Variants in POFUT3 observed in about 807,000 individuals in gnomAD.
POFUT3 encodes the protein GDP-fucose protein O-fucosyltransferase 3.
chr8:33,456,509 C>A, the POFUT3 span, among the ~76,000 whole-genome samples: 1 of 151,950 alleles, frequency 6.6e-6, no homozygotes, highest in Non-Finnish European at 1.5e-5. Context: ...AAACGCAGGC[C>A]ACCACGCCCT....
chr8:33,470,334 C>T, the POFUT3 span, among the ~76,000 whole-genome samples: 7,531 of 151,398 alleles, frequency 0.05, 314 homozygotes, highest in African/African-American at 0.11. Context: ...GCAGGAGGAT[C>T]CCTTGAGCCC....
the POFUT3 span, among the ~76,000 whole-genome samples, chr8:33,337,906 C>A: frequency 1.3e-5 from 2 of 152,198 alleles, no homozygotes; most frequent in African/African-American, 4.8e-5. Context: ...AGATCTATGG[C>A]CACATGCAGA....
the POFUT3 span, among the ~76,000 whole-genome samples, chr8:33,357,454 C>T: frequency 6.6e-6 from 1 of 151,548 alleles, no homozygotes; most frequent in Non-Finnish European, 1.5e-5. Context: ...TTAATTGGTA[C>T]ATTAGAAGAC....
At chr8:33,386,743 G>A in the POFUT3 span, among the ~76,000 whole-genome samples, 2 of 152,064 alleles carry the variant, frequency 1.3e-5, no homozygotes, top group Admixed American at 1.3e-4. Flanking sequence ...CCGGGAGGTG[G>A]AGCTTGCAGT....
At chr8:33,355,486 G>C in the POFUT3 span, among the ~76,000 whole-genome samples, 4 of 152,066 alleles carry the variant, frequency 2.6e-5, no homozygotes, top group Non-Finnish European at 5.9e-5. Flanking sequence ...TGTTTTACCA[G>C]CTACCTAGGC....
At chr8:33,421,404 T>C in the POFUT3 span, among the ~76,000 whole-genome samples, 1 of 152,142 alleles carries the variant, frequency 6.6e-6, no homozygotes, top group Non-Finnish European at 1.5e-5. Context: ...ATCTTCCATC[T>C]CCTCCATGTG....
the POFUT3 span, among the ~76,000 whole-genome samples, chr8:33,357,630 TTCC>T: frequency 2.2e-4 from 33 of 152,178 alleles, no homozygotes; most frequent in East Asian, 6.0e-3. Context: ...CCTATTCCTT[TTCC>T]TCCTATTTTT....
At chr8:33,355,964 T>C in the POFUT3 span, among the ~76,000 whole-genome samples, 3 of 152,166 alleles carry the variant, frequency 2.0e-5, no homozygotes, top group East Asian at 3.8e-4. Context: ...GAATGATGAT[T>C]TCCAATTTCA....
At chr8:33,395,186 C>T in the POFUT3 span, among the ~76,000 whole-genome samples, 1 of 152,152 alleles carries the variant, frequency 6.6e-6, no homozygotes, top group Non-Finnish European at 1.5e-5. Flanking sequence ...AGGGTTCTAC[C>T]CTCAAGCCTG....
At chr8:33,388,119 C>A in the POFUT3 span, among the ~76,000 whole-genome samples, 3 of 152,056 alleles carry the variant, frequency 2.0e-5, no homozygotes, top group Admixed American at 1.3e-4. Flanking sequence ...TTATCCCCAC[C>A]ATTATTTCAG....
the POFUT3 span, among the ~76,000 whole-genome samples, chr8:33,419,352 G>A: frequency 2.6e-5 from 4 of 152,176 alleles, no homozygotes; most frequent in Non-Finnish European, 1.5e-5. Flanking sequence ...GGTGGTGGGG[G>A]ATTGGTTTTA....
At chr8:33,339,020 A>C in the POFUT3 span, 1 of 152,198 alleles carries the variant, frequency 6.6e-6, no homozygotes, top group Admixed American at 6.5e-5. Context: ...AAAATTATTC[A>C]TCATACCAAG....
the POFUT3 span, among the ~76,000 whole-genome samples, chr8:33,319,989 A>G: frequency 6.6e-6 from 1 of 151,124 alleles, no homozygotes; most frequent in Admixed American, 6.7e-5. Flanking sequence ...ACTATGTGCC[A>G]GACACTGGAA....
chr8:33,372,784 C>G, the POFUT3 span: 2 of 1,613,836 alleles, frequency 1.2e-6, no homozygotes, highest in Non-Finnish European at 1.7e-6. Context: ...CTTCTGCCTC[C>G]CATCTTTTGG....
the POFUT3 span, among the ~76,000 whole-genome samples, chr8:33,323,752 A>G: frequency 6.6e-6 from 1 of 152,210 alleles, no homozygotes; most frequent in Admixed American, 6.5e-5. Context: ...CAGAAACCTT[A>G]TAATAAGTGA....
chr8:33,318,055 A>C, the POFUT3 span, among the ~76,000 whole-genome samples: 24 of 152,256 alleles, frequency 1.6e-4, no homozygotes, highest in African/African-American at 5.8e-4. Flanking sequence ...TTGCAGGCAA[A>C]GTGTCAGACA....
At chr8:33,389,657 A>G in the POFUT3 span, 4 of 1,614,226 alleles carry the variant, frequency 2.5e-6, 1 homozygote, top group Non-Finnish European at 3.4e-6. Context: ...ATGCCTGCTG[A>G]ACGTGGCAGT....
At chr8:33,357,587 T>C in the POFUT3 span, among the ~76,000 whole-genome samples, 1 of 151,988 alleles carries the variant, frequency 6.6e-6, no homozygotes, top group African/African-American at 2.4e-5. Context: ...TATTTCTCTC[T>C]GTATATACCT....
chr8:33,343,900 T>C, the POFUT3 span, among the ~76,000 whole-genome samples: 1 of 152,184 alleles, frequency 6.6e-6, no homozygotes, highest in Non-Finnish European at 1.5e-5. Context: ...TGGCAGAAAG[T>C]GGTAGAGAGA....
Sources: gnomAD v4.1 joint callset for allele counts (sites outside exome capture counted in the v4.1 genomes callset) on GRCh38, gnomAD v4.1.1 for gene constraint, MANE v1.5 for transcripts, NCBI Gene and HGNC (gene_info 2026-07-23, HGNC 2026-07-21) for gene names.